Variants in DNAH8 observed in about 807,000 individuals in gnomAD.
DNAH8 encodes axonemal beta dynein heavy chain 8.
A neutral mutation model predicts 562.1 loss-of-function variants in DNAH8; 382 were observed. That is an observed-to-expected ratio of 0.68 (90% CI 0.63 to 0.74). DNAH8 has a LOEUF of 0.74. Among genes scored for constraint, DNAH8 ranks in the 30% least tolerant of loss-of-function variants. The probability of loss-of-function intolerance (pLI) is 0.00; values close to 1 mark genes in which losing one functional copy is unlikely to be tolerated. For missense variants in DNAH8, 5,203 were observed against 5,620.4 expected (o/e 0.93, Z 2.37); for synonymous variants, 1,881 against 1,919.4 (o/e 0.98, Z 0.52).
chr6:38,842,596 A>C, intron 34 of DNAH8, 67 bp from the exon 35 acceptor site: 1 of 1,586,966 alleles, frequency 6.3e-7, no homozygotes, highest in Non-Finnish European at 8.6e-7. Context: ...ATAATAGTGT[A>C]TATACATAAA....
At chr6:38,912,323 A>G (rs928570132) in intron 66 of DNAH8, among the ~76,000 whole-genome samples, 3 of 152,046 alleles carry the variant, frequency 2.0e-5, no homozygotes, top group African/African-American at 7.2e-5. Context: ...TTAGTCAGGC[A>G]TTGTGGTGGT....
At chr6:38,889,569 C>T (rs752863674) in intron 57 of DNAH8, among the ~76,000 whole-genome samples, 4 of 152,088 alleles carry the variant, frequency 2.6e-5, no homozygotes, top group Admixed American at 2.0e-4. Context: ...TAAACAAATA[C>T]GGAAAACAAA....
chr6:38,958,300 C>A (rs527651503), intron 82 of DNAH8, among the ~76,000 whole-genome samples: 1 of 151,396 alleles, frequency 6.6e-6, no homozygotes, highest in Admixed American at 6.6e-5. Context: ...CCACCGCGCC[C>A]GGCCGATAGA....
Position 38,790,374 on chromosome 6 carries a change from T to C in DNAH8, c.2750T>C (p.Val917Ala), listed in dbSNP as rs773425594. The C allele has an allele frequency of 5.6e-6, 9 of 1,601,504 alleles. No individual in the cohort carries two copies. Among genetic ancestry groups the C allele is most frequent in the Non-Finnish European group, 7.7e-6 (9 of 1,172,332 alleles). The change falls in exon 20 of 93, where the codon GTT becomes GCT. Residue 917 changes from valine (V) to alanine (A), a missense_variant. Transcript: ENST00000327475. ...AGCTTCTTTCAAGAAGTCGAATTAG[T>C]TTTGGATATGTTCAATCAACTTTTA... ...LESFFQEVELVLDMFNQLLKK... is the reference protein window; with the variant it reads ...LESFFQEVELALDMFNQLLKK...
intron 24 of DNAH8, among the ~76,000 whole-genome samples, chr6:38,808,355 G>A (rs1369121201): frequency 6.6e-6 from 1 of 152,068 alleles, no homozygotes; most frequent in East Asian, 1.9e-4. Context: ...AGTATTATTC[G>A]GTTAAAAAAT....
At chr6:38,910,187 ATGTTTCT>A (rs1178126070) in intron 65 of DNAH8, among the ~76,000 whole-genome samples, 5 of 152,230 alleles carry the variant, frequency 3.3e-5, no homozygotes, top group African/African-American at 1.2e-4. Context: ...AGTCTTACCA[ATGTTTCT>A]ATGCCAGACA....
At chr6:38,833,493 T>C (rs1774022349) in intron 31 of DNAH8, among the ~76,000 whole-genome samples, 1 of 152,170 alleles carries the variant, frequency 6.6e-6, no homozygotes, top group African/African-American at 2.4e-5. Context: ...GTCAGGCTTC[T>C]TAAGTTACCT....
At chr6:39,020,290 C>T (rs1291009934) in intron 91 of DNAH8, among the ~76,000 whole-genome samples, 1 of 152,086 alleles carries the variant, frequency 6.6e-6, no homozygotes, top group Non-Finnish European at 1.5e-5. Context: ...TAATATTGTG[C>T]CTGTACTCTT....
chr6:38,889,107 A>G (rs1448310853), intron 57 of DNAH8, among the ~76,000 whole-genome samples: 2 of 152,232 alleles, frequency 1.3e-5, no homozygotes, highest in Admixed American at 6.5e-5. Context: ...ACAATGGCAA[A>G]AACGTGAAAT....
intron 82 of DNAH8, among the ~76,000 whole-genome samples, chr6:38,960,113 A>G (rs1333055866): frequency 1.3e-5 from 2 of 152,062 alleles, no homozygotes; most frequent in African/African-American, 4.8e-5. Context: ...CAAAAATCAA[A>G]TCAAAGTGGA....
chr6:39,030,146 C>G lies in DNAH8; in HGVS notation c.13878C>G (p.Ala4626=), dbSNP rs1767572215. The G allele has an allele frequency of 6.2e-7, 1 of 1,614,046 alleles. No individual in the cohort carries two copies. Among genetic ancestry groups the G allele is most frequent in the Non-Finnish European group, 8.5e-7 (1 of 1,180,008 alleles). Reference sequence around the variant, plus strand: ...ATGGGCTCTACATGGATGGAGCAGCCTGGGACAGACGGAATGGGAAGCTCA... The same window carrying G: ...ATGGGCTCTACATGGATGGAGCAGCGTGGGACAGACGGAATGGGAAGCTCA... ...YIYGLYMDGA[A]WDRRNGKLME... The change falls in exon 93 of 93, where the codon GCC becomes GCG. Residue 4626 remains alanine (A), a synonymous_variant. Coordinates refer to ENST00000327475, the MANE Select transcript of DNAH8 (RefSeq NM_001206927.2).
chr6:38,832,391 GT>G lies in DNAH8; in HGVS notation c.4263del (p.Arg1422ValfsTer4). ...AAGCAATCTACTTGAGTCTGTGGAA[GT>G]TTTTCGTGAGGACGTGATAAACTTT... ...FKSNLLESVEVFREDVINFAE... is the reference protein window; with the variant it reads ...FKSNLLESVEXFREDVINFAE... On this transcript the variant is annotated frameshift_variant, in exon 31 of 93. Transcript: ENST00000327475. LOFTEE classifies it high-confidence loss of function. The G allele has an allele frequency of 1.2e-6, 2 of 1,613,742 alleles. No individual in the cohort carries two copies. The highest frequency in any genetic ancestry group is 8.5e-7 in the Non-Finnish European group (1 of 1,179,708).
At chr6:38,877,774 G>C (rs4386804) in intron 53 of DNAH8, among the ~76,000 whole-genome samples, 65,544 of 151,620 alleles carry the variant, frequency 0.43, 15,030 homozygotes, top group East Asian at 0.84. Context: ...TGCTTCCAGC[G>C]AAGATGGAGT....
chr6:38,790,449 G>A (rs1037441043), intron 20 of DNAH8, 44 bp downstream of exon 20: 1 of 901,906 alleles, frequency 1.1e-6, no homozygotes, highest in African/African-American at 1.7e-5. Flanking sequence ...ATATACTCAG[G>A]ATATAAGTAA....
At chr6:38,783,782 A>C (rs143124030) in intron 17 of DNAH8, among the ~76,000 whole-genome samples, 290 of 152,212 alleles carry the variant, frequency 1.9e-3, no homozygotes, top group Non-Finnish European at 3.1e-3. Context: ...GCTTTGTCTC[A>C]TCTTAACCTT....
rs767332664 is a variant in DNAH8, at chr6:38,780,056, T to C, written c.2130T>C (p.Ala710=). 12 of 1,613,556 alleles carry C rather than the reference T, an allele frequency of 7.4e-6. No homozygotes were observed. The highest frequency in any genetic ancestry group is 3.3e-5 in the Admixed American group (2 of 59,990). The part of the protein sequence containing the change: ...ILQYYVAELD[A]TKKLYHSQKD... The stretch of plus-strand genomic sequence containing the variant: ...AGTACTATGTGGCTGAACTTGATGC[T>C]ACTAAGAAGGCAAGTGTCATGTTTA... The change falls in exon 15 of 93, where the codon GCT becomes GCC. Residue 710 remains alanine, a synonymous_variant. Transcript: ENST00000327475.
intron 10 of DNAH8, among the ~76,000 whole-genome samples, chr6:38,756,967 G>A (rs1035661294): frequency 7.2e-5 from 11 of 152,026 alleles, no homozygotes; most frequent in African/African-American, 2.7e-4. Context: ...TGTGAATAGT[G>A]CCGCAATAAA....
chr6:38,813,394 A>G (rs971538377), intron 24 of DNAH8, among the ~76,000 whole-genome samples: 2 of 151,866 alleles, frequency 1.3e-5, no homozygotes, highest in Non-Finnish European at 2.9e-5. Context: ...GTTTCTTGTG[A>G]TCCCCTCCCA....
intron 33 of DNAH8, among the ~76,000 whole-genome samples, chr6:38,841,629 T>C (rs745640547): frequency 5.9e-5 from 9 of 152,138 alleles, no homozygotes; most frequent in Non-Finnish European, 1.2e-4. Flanking sequence ...TTCTGTTGAG[T>C]GGTCAATTTG....
Sources: gnomAD v4.1 joint callset for allele counts (sites outside exome capture counted in the v4.1 genomes callset) on GRCh38, gnomAD v4.1.1 for gene constraint, MANE v1.5 for transcripts, NCBI Gene and HGNC (gene_info 2026-07-23, HGNC 2026-07-21) for gene names.